The following WDR49 variants were observed in gnomAD, a reference collection of about 807,000 sequenced individuals.
WDR49 encodes the protein WD repeat domain 49.
In WDR49, 107 loss-of-function variants were observed where a neutral mutation model predicts 119.5. That is an observed-to-expected ratio of 0.90 (90% confidence interval 0.77 to 1.05). WDR49 has a LOEUF of 1.05. WDR49 is among the 50% of genes least tolerant of loss of function. WDR49 has a pLI of 0.00. For missense variants in WDR49, 1,240 were observed against 1,220.5 expected (o/e 1.02, Z -0.24); for synonymous variants, 425 against 418.8 (o/e 1.01, Z -0.18).
intron 10 of WDR49, among the ~76,000 whole-genome samples, chr3:167,545,992 C>T (rs1316608567): frequency 6.6e-6 from 1 of 151,800 alleles, no homozygotes; most frequent in African/African-American, 2.4e-5. Flanking sequence ...AGTTTAATCT[C>T]ATAGTAACTT....
intron 3 of WDR49, among the ~76,000 whole-genome samples, chr3:167,626,551 A>G (rs553235780): frequency 1.3e-5 from 2 of 152,182 alleles, no homozygotes; most frequent in African/African-American, 4.8e-5. Context: ...GCCATGCACT[A>G]TAATAGCCTC....
intron 18 of WDR49, among the ~76,000 whole-genome samples, chr3:167,486,623 G>T (rs1945275854): frequency 6.6e-6 from 1 of 151,964 alleles, no homozygotes; most frequent in African/African-American, 2.4e-5. Flanking sequence ...AGATAAAACA[G>T]ATTTTAAACA....
intron 2 of WDR49, among the ~76,000 whole-genome samples, chr3:167,651,837 G>A (rs1718397072): frequency 6.6e-6 from 1 of 152,088 alleles, no homozygotes; most frequent in Non-Finnish European, 1.5e-5. Flanking sequence ...CTAATCTGCA[G>A]TTTGGAAAGA....
At chr3:167,595,741 C>T (rs1411095112) in intron 7 of WDR49, among the ~76,000 whole-genome samples, 3 of 152,130 alleles carry the variant, frequency 2.0e-5, no homozygotes, top group South Asian at 4.2e-4. Context: ...AAGACTTAAA[C>T]GTCAGACCTA....
At chr3:167,543,346 A>C (rs1711958961) in intron 10 of WDR49, among the ~76,000 whole-genome samples, 1 of 151,906 alleles carries the variant, frequency 6.6e-6, no homozygotes, top group Non-Finnish European at 1.5e-5. Context: ...AAAAAAGAAA[A>C]CTGCAGACCA....
At chr3:167,612,166 T>C (rs543011571) in intron 5 of WDR49, among the ~76,000 whole-genome samples, 1 of 152,264 alleles carries the variant, frequency 6.6e-6, no homozygotes, top group African/African-American at 2.4e-5. Context: ...AACTAGAAAC[T>C]ACTAACAAGA....
At position 167,653,486 on chromosome 3, in the gene WDR49, C is replaced by T; in HGVS notation, c.-61G>A. 7.1e-7 allele frequency: 1 copy of T among 1,412,208 alleles called. No individual in the cohort carries two copies. The highest frequency in any genetic ancestry group is 1.6e-5 in the South Asian group (1 of 62,270). The allele number at this position is 1,412,208 out of a possible 1,614,324, so 87.5% of individuals were successfully genotyped here. On this transcript the variant is annotated 5_prime_UTR_variant, in exon 2 of 19. Coordinates refer to ENST00000682715, the MANE Select transcript of WDR49 (RefSeq NM_001366157.1). ...TTCTATAAGGATGGATCTTCTTTTT[C>T]CTTCAACAGGTGCCTTTGAAAAGAA...
intron 3 of WDR49, among the ~76,000 whole-genome samples, chr3:167,623,313 A>G (rs1004575359): frequency 1.3e-5 from 2 of 152,128 alleles, no homozygotes; most frequent in African/African-American, 2.4e-5. Context: ...AAGAGAATTT[A>G]GCAACATACA....
chr3:167,607,350 G>T (rs1199425475), intron 5 of WDR49, among the ~76,000 whole-genome samples: 2 of 151,988 alleles, frequency 1.3e-5, no homozygotes, highest in Non-Finnish European at 2.9e-5. Context: ...TTCATTTTGG[G>T]GTATCACTTT....
intron 7 of WDR49, among the ~76,000 whole-genome samples, chr3:167,598,448 G>A (rs1457769836): frequency 2.6e-5 from 4 of 152,174 alleles, no homozygotes. Context: ...AGGTAGGGAG[G>A]TGATTCGATC....
chr3:167,563,353 C>CAAAAAA (rs61247447), intron 8 of WDR49, among the ~76,000 whole-genome samples: 59 of 55,602 alleles, frequency 1.1e-3, no homozygotes, highest in South Asian at 3.0e-3. Flanking sequence ...GATTCTGAAT[C>CAAAAAA]AAAAAAAAAA....
chr3:167,643,475 A>T (rs1033099668), intron 2 of WDR49, among the ~76,000 whole-genome samples: 7 of 152,134 alleles, frequency 4.6e-5, no homozygotes, highest in African/African-American at 1.7e-4. Context: ...GAAACTAAAC[A>T]GATGAAAGAG....
intron 7 of WDR49, among the ~76,000 whole-genome samples, chr3:167,593,919 C>G (rs1294339405): frequency 2.0e-5 from 3 of 152,040 alleles, no homozygotes; most frequent in African/African-American, 7.2e-5. Flanking sequence ...TGCGGTGGTT[C>G]CCCTCTCTCG....
intron 2 of WDR49, among the ~76,000 whole-genome samples, chr3:167,636,214 G>A (rs1559927143): frequency 6.6e-6 from 1 of 151,476 alleles, no homozygotes; most frequent in Middle Eastern, 3.4e-3. Context: ...GAAATACGAT[G>A]TTTGGTTTTC....
At chr3:167,653,623 C>G in intron 1 of WDR49, 124 bp from the exon 2 acceptor site, 1 of 521,516 alleles carries the variant, frequency 1.9e-6, no homozygotes, top group East Asian at 3.3e-5. Flanking sequence ...AACCCTCTCA[C>G]TTATTTGATT....
chr3:167,540,055 A>G (rs1402353416), intron 10 of WDR49, among the ~76,000 whole-genome samples: 1 of 152,142 alleles, frequency 6.6e-6, no homozygotes, highest in Non-Finnish European at 1.5e-5. Flanking sequence ...TGCTTTCTCA[A>G]AAGCACCACC....
intron 18 of WDR49, among the ~76,000 whole-genome samples, chr3:167,483,225 A>T (rs933644928): frequency 6.6e-6 from 1 of 152,240 alleles, no homozygotes. Flanking sequence ...ACTGTACATC[A>T]GCAGCTGATC....
intron 10 of WDR49, among the ~76,000 whole-genome samples, chr3:167,553,187 A>G (rs1712678144): frequency 6.6e-6 from 1 of 152,124 alleles, no homozygotes; most frequent in African/African-American, 2.4e-5. Flanking sequence ...AAAGTGAAAT[A>G]ATATAACAGA....
intron 2 of WDR49, among the ~76,000 whole-genome samples, chr3:167,650,589 A>G (rs931863992): frequency 2.6e-5 from 4 of 152,236 alleles, no homozygotes; most frequent in Admixed American, 1.3e-4. Context: ...TGACTCTTCT[A>G]TGTGAATTTA....
Sources: gnomAD v4.1 joint callset for allele counts (sites outside exome capture counted in the v4.1 genomes callset) on GRCh38, gnomAD v4.1.1 for gene constraint, MANE v1.5 for transcripts, NCBI Gene and HGNC (gene_info 2026-07-23, HGNC 2026-07-21) for gene names.